Variants in DNAH10 observed in about 807,000 individuals in gnomAD.
DNAH10 encodes axonemal beta dynein heavy chain 10.
Under a neutral mutation model 506.6 loss-of-function variants are expected in DNAH10, and 348 were observed. The ratio of observed to expected loss-of-function variants is 0.69; its 90% CI spans 0.63 to 0.75. The LOEUF (loss-of-function observed/expected upper bound fraction) is 0.75, where lower values mean the gene tolerates loss of function less well. Ranked by LOEUF, DNAH10 falls within the 30% of genes least tolerant of loss-of-function variation. The probability of loss-of-function intolerance (pLI) is 0.00; values close to 1 mark genes in which losing one functional copy is unlikely to be tolerated. For synonymous variants in DNAH10, 2,059 were observed against 2,198.6 expected (o/e 0.94, Z 1.78); for missense variants, 5,179 against 5,787.1 (o/e 0.89, Z 3.41).
chr12:123,934,944 G>GC, intron 78 of DNAH10, 178 bp downstream of exon 78: 1 of 807,188 alleles, frequency 1.2e-6, no homozygotes, highest in Non-Finnish European at 1.9e-6. Flanking sequence ...TGGAAAAGGC[G>GC]CGGCTGTATG....
At position 123,781,123 on chromosome 12, in the gene DNAH10, C is replaced by G. The variant is rs779330510; in HGVS notation, c.665C>G (p.Thr222Arg). ...TCCTTCAATCAGCACAGGACGAGTA[C>G]AACCGTGGGAGTCACATCTGGAGAA... ...ALSFNQHRTS[T>R]TVGVTSGEVS... The change falls in exon 6 of 79, where the codon ACA becomes AGA. Residue 222 changes from threonine to arginine, a missense_variant. Thr to Arg is a moderately conservative substitution (Grantham distance 71). Transcript: ENST00000673944. 6.2e-7 allele frequency: 1 copy of G among 1,613,900 alleles called. No homozygotes were observed. The highest frequency in any genetic ancestry group is 8.5e-7 in the Non-Finnish European group (1 of 1,179,898).
chr12:123,931,771 T>C lies in DNAH10; in HGVS notation c.13052T>C (p.Val4351Ala), dbSNP rs201657586. The change falls in exon 75 of 79, where the codon GTG becomes GCG. Residue 4351 changes from valine to alanine, a missense_variant. This residue lies in a region of DNAH10 where 4,844 missense variants were observed against 5,430.5 expected (regional missense o/e 0.89). Coordinates refer to ENST00000673944, the MANE Select transcript of DNAH10 (RefSeq NM_001372106.1). ...RLGTGLSPTS[V>A]VLLQELERFN... ...GGAACAGGACTCTCCCCCACTTCGGTGGTGCTCCTGCAGGAACTGGAACGC... is the reference window on the plus strand; with the variant it reads ...GGAACAGGACTCTCCCCCACTTCGGCGGTGCTCCTGCAGGAACTGGAACGC... 1.9e-6 allele frequency: 3 copies of C among 1,614,014 alleles called. No individual in the cohort carries two copies. In the East Asian group the frequency reaches 6.7e-5, roughly 36 times the overall value.
chr12:123,779,294 G>A (rs912892926), intron 5 of DNAH10, among the ~76,000 whole-genome samples: 1 of 152,012 alleles, frequency 6.6e-6, no homozygotes, highest in African/African-American at 2.4e-5. Context: ...TCCCGCCTTG[G>A]CCTCTCAAAG....
intron 40 of DNAH10, 127 bp from the exon 41 acceptor site, chr12:123,865,817 ATGGAAGC>A: frequency 2.4e-6 from 2 of 829,738 alleles, no homozygotes; most frequent in Non-Finnish European, 3.4e-6. Flanking sequence ...TAAAAAGCTC[ATGGAAGC>A]TGTGTTGATT....
chr12:123,880,880 T>A (rs1010758229), intron 50 of DNAH10, among the ~76,000 whole-genome samples: 3 of 144,352 alleles, frequency 2.1e-5, no homozygotes, highest in Non-Finnish European at 3.0e-5. Flanking sequence ...AATTCCCACC[T>A]ATGAGTGAGA....
chr12:123,912,431 G>A (rs1321766526), intron 59 of DNAH10, among the ~76,000 whole-genome samples: 12 of 50,824 alleles, frequency 2.4e-4, no homozygotes, highest in South Asian at 8.1e-4. Context: ...GGTCTTTCCC[G>A]CAGGGGGTCT....
chr12:123,898,511 C>T, intron 55 of DNAH10, 142 bp from the exon 56 acceptor site: 1 of 1,066,784 alleles, frequency 9.4e-7, no homozygotes, highest in Admixed American at 3.2e-5. Context: ...CCAAGTATGG[C>T]AGTGGAGGTA....
Position 123,906,344 on chromosome 12 carries a change from C to T in DNAH10, c.9816-2917C>T, listed in dbSNP as rs188150761. Among the ~76,000 whole-genome samples, 13 of 152,198 alleles carry T rather than the reference C, an allele frequency of 8.5e-5. No individual in the cohort carries two copies. In the East Asian group the frequency reaches 1.9e-3, roughly 23 times the overall value. On this transcript the variant is annotated intron_variant, in intron 57 of 78. Transcript: ENST00000673944. Reference sequence around the variant, plus strand: ...GCAACCCCTGCCTTCCAGGTTCAAACGATTCTCCTGCCTCAGCCTCACAAG... The same window carrying T: ...GCAACCCCTGCCTTCCAGGTTCAAATGATTCTCCTGCCTCAGCCTCACAAG...
In DNAH10 at chr12:123,898,830, GC is replaced by G. The variant is rs1566068883; in HGVS notation, c.9640+18del. 6.3e-7 allele frequency: 1 copy of G among 1,589,900 alleles called. No individual in the cohort carries two copies. The highest frequency in any genetic ancestry group is 2.3e-5 in the East Asian group (1 of 44,438). ...ACCGCTGTAGGTGAGTGAGGGCGGG[GC>G]CAGGGCAGCCCATCCCCAACACCCA... On this transcript the variant is annotated intron_variant, in intron 56 of 78. Coordinates refer to ENST00000673944, the MANE Select transcript of DNAH10 (RefSeq NM_001372106.1).
At chr12:123,856,357 G>A (rs1054063412) in intron 36 of DNAH10, among the ~76,000 whole-genome samples, 7 of 145,104 alleles carry the variant, frequency 4.8e-5, no homozygotes, top group African/African-American at 7.6e-5. Context: ...TCTTTTTTTC[G>A]AGACAGAGTT....
rs776558132 is a variant in DNAH10 at position 123,867,448 on chromosome 12, G to T, written c.7168-19G>T. Reference sequence around the variant, plus strand: ...ATAAACAAACCCTTGAAATGCTTTGGAATGCTACTTTTTTATAGGTGGAGC... The same window carrying T: ...ATAAACAAACCCTTGAAATGCTTTGTAATGCTACTTTTTTATAGGTGGAGC... On this transcript the variant is annotated intron_variant, in intron 41 of 78. Coordinates refer to ENST00000673944, the MANE Select transcript of DNAH10 (RefSeq NM_001372106.1). The T allele has an allele frequency of 1.2e-6, 2 of 1,607,174 alleles. No homozygotes were observed. The highest frequency in any genetic ancestry group is 1.7e-6 in the Non-Finnish European group (2 of 1,177,096).
At chr12:123,901,667 AT>A (rs1052605655) in intron 56 of DNAH10, among the ~76,000 whole-genome samples, 6 of 152,092 alleles carry the variant, frequency 3.9e-5, no homozygotes, top group African/African-American at 7.2e-5. Flanking sequence ...TAATTAATTA[AT>A]TTATTTTTTT....
chr12:123,796,596 T>C (rs891166735), intron 12 of DNAH10, 60 bp from the exon 13 acceptor site: 1 of 1,471,250 alleles, frequency 6.8e-7, no homozygotes, highest in Non-Finnish European at 9.2e-7. Context: ...TCAAATCTCA[T>C]CTTTCTTGGC....
intron 5 of DNAH10, 104 bp from the exon 6 acceptor site, chr12:123,780,976 C>A (rs2136017974): frequency 4.2e-6 from 3 of 711,352 alleles, no homozygotes; most frequent in Admixed American, 3.8e-5. Flanking sequence ...TATTCAAAAC[C>A]AGAGGCAATT....
Position 123,902,886 on chromosome 12 carries a change from G to A in DNAH10, c.9641-53G>A, listed in dbSNP as rs979797169. The A allele has an allele frequency of 3.9e-6, 6 of 1,525,512 alleles. No homozygotes were observed. Among genetic ancestry groups the A allele is most frequent in the East Asian group, 2.5e-5 (1 of 40,712 alleles). 94.5% of individuals were successfully genotyped at this position (1,525,512 alleles called of 1,614,324 possible). On this transcript the variant is annotated intron_variant, in intron 56 of 78. Transcript: ENST00000673944. The surrounding 1 kb of genome is among the most constrained non-coding windows in gnomAD (Gnocchi z 4.5). ...GCACTCTGCTCAGAGCCGGGGCCGC[G>A]AGTGCATCTCCTCTGAGCCCAAGCT...
intron 41 of DNAH10, among the ~76,000 whole-genome samples, chr12:123,866,275 G>A (rs1454536987): frequency 3.5e-5 from 4 of 114,828 alleles, no homozygotes; most frequent in African/African-American, 1.4e-4. Context: ...ACGGAGTCTC[G>A]CTCTGTCACC....
At chr12:123,843,382 T>A (rs964624383) in intron 30 of DNAH10, among the ~76,000 whole-genome samples, 1 of 152,184 alleles carries the variant, frequency 6.6e-6, no homozygotes, top group Non-Finnish European at 1.5e-5. Flanking sequence ...ATTCTAGGTT[T>A]GTCGCGTCCT....
At chr12:123,929,174 T>C (rs1955085087) in intron 70 of DNAH10, 101 bp from the exon 71 acceptor site, 2 of 1,240,088 alleles carry the variant, frequency 1.6e-6, no homozygotes, top group Admixed American at 4.0e-5. Flanking sequence ...GACAGATGGC[T>C]CCGTAGAGAG....
At chr12:123,856,014 ATTAT>A (rs1465424662) in intron 36 of DNAH10, among the ~76,000 whole-genome samples, 11 of 148,512 alleles carry the variant, frequency 7.4e-5, no homozygotes, top group African/African-American at 2.7e-4. Flanking sequence ...TTACATTTAT[ATTAT>A]TTATATGATC....
Sources: gnomAD v4.1 joint callset for allele counts (sites outside exome capture counted in the v4.1 genomes callset) on GRCh38, gnomAD v4.1.1 for gene constraint, gnomAD v4.1.1 regional missense constraint, Gnocchi (gnomAD v3.1) non-coding constraint, MANE v1.5 for transcripts, NCBI Gene and HGNC (gene_info 2026-07-23, HGNC 2026-07-21) for gene names.